Variants in CPVL observed in about 807,000 individuals in gnomAD.
The protein encoded by CPVL is probable serine carboxypeptidase CPVL.
Under a neutral mutation model 63.7 loss-of-function variants are expected in CPVL, and 51 were observed. The ratio of observed to expected loss-of-function variants is 0.80; its 90% CI spans 0.64 to 1.01. The LOEUF is 1.01. CPVL is among the 50% of genes least tolerant of loss of function. CPVL has a pLI of 0.00. For synonymous variants in CPVL, 195 were observed against 206.0 expected (o/e 0.95, Z 0.46); for missense variants, 530 against 573.1 (o/e 0.92, Z 0.77).
intron 1 of CPVL, among the ~76,000 whole-genome samples, chr7:29,189,820 T>A (rs577693812): frequency 1.2e-3 from 184 of 152,138 alleles, no homozygotes; most frequent in African/African-American, 4.3e-3. Context: ...CTCCAGGCAA[T>A]ACCCCCAAGC....
intron 5 of CPVL, among the ~76,000 whole-genome samples, chr7:29,174,658 C>G (rs572100997): frequency 4.6e-5 from 7 of 152,062 alleles, no homozygotes; most frequent in Admixed American, 1.3e-4. Context: ...GTCAGGAGTT[C>G]GAGATCAGCC....
intron 1 of CPVL, among the ~76,000 whole-genome samples, chr7:29,123,408 A>T: frequency 6.6e-6 from 1 of 151,788 alleles, no homozygotes. Context: ...CCTATTACTG[A>T]CTATAATAAA....
At chr7:29,146,956 TAGCAGTA>T, upstream of CPVL, 1 of 1,551,088 alleles carries the variant, frequency 6.4e-7, no homozygotes, top group South Asian at 1.2e-5. Flanking sequence ...CCAGCTGCAC[TAGCAGTA>T]AGCTCGCACC....
At chr7:29,113,803 T>G (rs942744727) in intron 2 of CPVL, 1 of 152,344 alleles carries the variant, frequency 6.6e-6, no homozygotes, top group Non-Finnish European at 1.5e-5. Context: ...GGAAGGGAAG[T>G]AGTGGTCAGG....
chr7:29,182,537 C>T (rs760737973), intron 4 of CPVL, among the ~76,000 whole-genome samples: 1 of 152,206 alleles, frequency 6.6e-6, no homozygotes, highest in African/African-American at 2.4e-5. Flanking sequence ...GTATTACCCA[C>T]GTTAAGCCTC....
intron 6 of CPVL, 23 bp from the exon 7 acceptor site, chr7:29,086,573 A>G (rs1297368616): frequency 1.3e-5 from 20 of 1,510,188 alleles, no homozygotes; most frequent in Non-Finnish European, 1.8e-5. Context: ...GAACAAGAAC[A>G]ACACAAATTA....
intron 1 of CPVL, among the ~76,000 whole-genome samples, chr7:29,131,383 G>T (rs556953210): frequency 6.6e-6 from 1 of 152,264 alleles, no homozygotes; most frequent in African/African-American, 2.4e-5. Flanking sequence ...GAAGTGACAA[G>T]AAACTTCTCC....
In CPVL at chr7:29,072,561, T is replaced by C. The variant is rs187687488; in HGVS notation, c.610-138A>G. 556 of 902,860 alleles carry C rather than the reference T, an allele frequency of 6.2e-4. 6 individuals carry two copies. In the African/African-American group the frequency reaches 6.3e-3, roughly 10 times the overall value. The allele number at this position is 902,860 out of a possible 1,614,324, so 55.9% of individuals were successfully genotyped here. On this transcript the variant is annotated intron_variant, in intron 7 of 12. Transcript: ENST00000265394. ...CCATCTGTTTCTTAACCCCACATTATAGATTCCATAATAGCAAAAACCTCT... is the reference window on the plus strand; with the variant it reads ...CCATCTGTTTCTTAACCCCACATTACAGATTCCATAATAGCAAAAACCTCT...
intron 11 of CPVL, among the ~76,000 whole-genome samples, chr7:29,061,785 A>G (rs985424178): frequency 2.0e-5 from 3 of 152,000 alleles, no homozygotes; most frequent in Non-Finnish European, 4.4e-5. Flanking sequence ...CATCTCTATT[A>G]AAAATACAAA....
chr7:29,002,466 C>A (rs768681036), intron 12 of CPVL, among the ~76,000 whole-genome samples: 1 of 151,992 alleles, frequency 6.6e-6, no homozygotes, highest in Non-Finnish European at 1.5e-5. Flanking sequence ...CATTTTTCTT[C>A]ATATATTTTT....
chr7:29,080,363 G>C (rs984558205), intron 7 of CPVL: 6 of 152,034 alleles, frequency 3.9e-5, no homozygotes, highest in African/African-American at 1.2e-4. Context: ...TTCAAGGCCA[G>C]CCTGTCCAAC....
At chr7:29,001,980 G>A (rs972157276) in intron 12 of CPVL, among the ~76,000 whole-genome samples, 2 of 152,278 alleles carry the variant, frequency 1.3e-5, no homozygotes, top group Middle Eastern at 3.4e-3. Context: ...AAAGGTATCA[G>A]AGAGCAACCA....
intron 5 of CPVL, among the ~76,000 whole-genome samples, chr7:29,176,364 G>GAA (rs979527259): frequency 6.6e-6 from 1 of 150,504 alleles, no homozygotes; most frequent in African/African-American, 2.4e-5. Context: ...AGAGGAAAAA[G>GAA]AAAAAAAAAT....
At chr7:29,161,840 A>C (rs941352919) in intron 5 of CPVL, among the ~76,000 whole-genome samples, 19 of 152,240 alleles carry the variant, frequency 1.2e-4, no homozygotes, top group African/African-American at 4.1e-4. Flanking sequence ...TGAGAAAACA[A>C]TCTGATTTTT....
At chr7:29,182,665 T>A (rs1798207488) in intron 4 of CPVL, among the ~76,000 whole-genome samples, 1 of 152,172 alleles carries the variant, frequency 6.6e-6, no homozygotes, top group South Asian at 2.1e-4. Flanking sequence ...ACAAATTGAG[T>A]AAACCCAATG....
intron 8 of CPVL, 58 bp from the exon 9 acceptor site, chr7:29,071,962 A>C (rs2074784): frequency 0.31 from 489,308 of 1,597,986 alleles, 78,745 homozygotes; most frequent in East Asian, 0.59. Flanking sequence ...GACCTTAAGG[A>C]AGCCCATTTG....
At chr7:29,070,474 G>A (rs1404217633) in intron 9 of CPVL, among the ~76,000 whole-genome samples, 1 of 152,156 alleles carries the variant, frequency 6.6e-6, no homozygotes, top group East Asian at 1.9e-4. Context: ...TCTAAATACT[G>A]AAGTTTCACT....
At chr7:29,046,457 A>G (rs60941326) in intron 11 of CPVL, among the ~76,000 whole-genome samples, 13,980 of 152,170 alleles carry the variant, frequency 0.092, 1,937 homozygotes, top group African/African-American at 0.3. Flanking sequence ...AAGTGCAAGT[A>G]AGAATTGGCA....
At chr7:29,022,100 C>G (rs779815195) in intron 12 of CPVL, among the ~76,000 whole-genome samples, 3 of 152,160 alleles carry the variant, frequency 2.0e-5, no homozygotes, top group Non-Finnish European at 2.9e-5. Context: ...ATCCTTACCC[C>G]CCAGCAGCAG....
Sources: allele counts gnomAD v4.1 joint callset (sites outside exome capture counted in the v4.1 genomes callset), GRCh38; gene constraint gnomAD v4.1.1; transcripts MANE v1.5; gene names NCBI Gene and HGNC (gene_info 2026-07-23, HGNC 2026-07-21).